PPME1: variants seen among roughly 807,000 people sequenced by gnomAD.
PPME1 encodes the protein protein phosphatase methylesterase 1.
Under a neutral mutation model 56.9 loss-of-function variants are expected in PPME1, and 17 were observed. The ratio of observed to expected loss-of-function variants is 0.30; its 90% confidence interval spans 0.20 to 0.45. The LOEUF (loss-of-function observed/expected upper bound fraction) is 0.45, where lower values mean the gene tolerates loss of function less well. Among genes scored for constraint, PPME1 ranks in the 20% least tolerant of loss-of-function variants. The pLI is 1.00. For missense variants in PPME1, 357 were observed against 483.2 expected, an observed-to-expected ratio of 0.74 and a Z score of 2.45; for synonymous variants, 122 against 156.2, an observed-to-expected ratio of 0.78 and a Z score of 1.63.
At chr11:74,239,290 G>C (rs779767451) in intron 9 of PPME1, 34 bp downstream of exon 9, 10 of 1,604,422 alleles carry the variant, frequency 6.2e-6, no homozygotes, top group Admixed American at 1.7e-5. Flanking sequence ...AAAAGATGCG[G>C]TATGGAATGG....
chr11:74,230,948 T>G lies in PPME1; in HGVS notation c.590T>G (p.Phe197Cys), dbSNP rs1411641943. 1 of 1,605,144 alleles carries G rather than the reference T, an allele frequency of 6.2e-7. No homozygotes were observed. ...GATGCACTTAATAGCATGCAGAATT[T>G]CTTACGGGGTCGTCCTAAAACCTTC... ...AMDALNSMQN[F>C]LRGRPKTFKS... Residue 197 changes from phenylalanine to cysteine, a missense_variant, in exon 7 of 14, where the codon TTC (phenylalanine) becomes TGC (cysteine). Phe to Cys is a radical substitution (Grantham distance 205, BLOSUM62 -2). Transcript: ENST00000328257. The surrounding 1 kb of genome is among the most constrained non-coding windows in gnomAD (Gnocchi z 4.9).
chr11:74,250,129 G>A (rs1186044151), intron 11 of PPME1: 1 of 152,112 alleles, frequency 6.6e-6, no homozygotes, highest in Non-Finnish European at 1.5e-5. Context: ...AGAACCACAG[G>A]ATGTAATGAC....
chr11:74,238,622 CAAT>C (rs1859259033), intron 8 of PPME1: 1 of 152,088 alleles, frequency 6.6e-6, no homozygotes, highest in Admixed American at 6.5e-5. Flanking sequence ...AGAAAAACAA[CAAT>C]GATAATTGGT....
chr11:74,214,002 A>G (rs1267487190), intron 3 of PPME1, among the ~76,000 whole-genome samples: 1 of 152,244 alleles, frequency 6.6e-6, no homozygotes. Flanking sequence ...ATAAGGCACC[A>G]GTGACCAATC....
chr11:74,178,163 C>G (rs748441305), intron 1 of PPME1, among the ~76,000 whole-genome samples: 2 of 152,194 alleles, frequency 1.3e-5, no homozygotes, highest in Non-Finnish European at 2.9e-5. Flanking sequence ...GCTTTTCCTT[C>G]TCTTGCTTGT....
At chr11:74,186,611 T>C (rs1348515373) in intron 1 of PPME1, among the ~76,000 whole-genome samples, 1 of 152,132 alleles carries the variant, frequency 6.6e-6, no homozygotes, top group Non-Finnish European at 1.5e-5. Flanking sequence ...CTCCATTGTC[T>C]CCTCAAATTT....
intron 1 of PPME1, among the ~76,000 whole-genome samples, chr11:74,178,895 C>T (rs1857462862): frequency 6.6e-6 from 1 of 151,628 alleles, no homozygotes; most frequent in Non-Finnish European, 1.5e-5. Context: ...AGACTGTTTC[C>T]TTCAAACTAC....
chr11:74,209,823 G>A (rs1305848177), intron 3 of PPME1, among the ~76,000 whole-genome samples: 2 of 152,140 alleles, frequency 1.3e-5, no homozygotes, highest in African/African-American at 4.8e-5. Flanking sequence ...GAAGCTATTT[G>A]ATTTATGAAG....
At chr11:74,221,736 T>C (rs1021345918) in intron 3 of PPME1, among the ~76,000 whole-genome samples, 6 of 152,190 alleles carry the variant, frequency 3.9e-5, no homozygotes, top group Non-Finnish European at 8.8e-5. Flanking sequence ...TCAGATTTTT[T>C]TCACCCTCTA....
At position 74,171,538 on chromosome 11, in the gene PPME1, C is replaced by G; in HGVS notation, c.101+16C>G. The G allele has an allele frequency of 1.2e-6, 2 of 1,603,316 alleles. No individual in the cohort carries two copies. The highest frequency in any genetic ancestry group is 1.7e-6 in the Non-Finnish European group (2 of 1,174,746). On this transcript the variant is annotated intron_variant, in intron 1 of 13. Transcript: ENST00000328257. Reference sequence around the variant, plus strand: ...TGCGAATGGGGTACGTGACCCATACCCCTTCTCCCTATGGGCCAGGCCCCA... The same window carrying G: ...TGCGAATGGGGTACGTGACCCATACGCCTTCTCCCTATGGGCCAGGCCCCA...
chr11:74,228,995 C>T (rs759546808), intron 5 of PPME1, among the ~76,000 whole-genome samples: 5 of 152,236 alleles, frequency 3.3e-5, no homozygotes, highest in Middle Eastern at 6.8e-3. Flanking sequence ...AAATTTAAGT[C>T]GAACGAATAT....
intron 12 of PPME1, chr11:74,251,410 A>T: frequency 7.2e-7 from 1 of 1,381,512 alleles, no homozygotes; most frequent in Non-Finnish European, 9.3e-7. Context: ...CTGAGGGCAC[A>T]CATAAGCCCT....
At chr11:74,252,007 G>A in intron 13 of PPME1, 3 of 609,058 alleles carry the variant, frequency 4.9e-6, no homozygotes, top group South Asian at 4.3e-5. Context: ...GAGGAGGCTG[G>A]GATAGGAATC....
At chr11:74,235,170 G>C (rs1258880673) in intron 7 of PPME1, among the ~76,000 whole-genome samples, 1 of 152,154 alleles carries the variant, frequency 6.6e-6, no homozygotes, top group East Asian at 1.9e-4. Context: ...CTTTCTCCTA[G>C]TGGCTTGCTT....
chr11:74,181,055 T>G (rs1857520973), intron 1 of PPME1, among the ~76,000 whole-genome samples: 1 of 145,954 alleles, frequency 6.9e-6, no homozygotes, highest in Non-Finnish European at 1.5e-5. Context: ...TTTTTTTTTT[T>G]GAGACGGAGT....
At chr11:74,221,598 C>T (rs528661539) in intron 3 of PPME1, among the ~76,000 whole-genome samples, 6 of 152,190 alleles carry the variant, frequency 3.9e-5, no homozygotes, top group Middle Eastern at 3.4e-3. Context: ...TAAAATGTGA[C>T]GGCTAGACTA....
chr11:74,192,850 C>G (rs1381117497), intron 1 of PPME1, among the ~76,000 whole-genome samples: 6 of 152,188 alleles, frequency 3.9e-5, no homozygotes, highest in Non-Finnish European at 8.8e-5. Flanking sequence ...GATGCTGGTA[C>G]CATGCAGAAC....
chr11:74,234,571 C>G (rs990400064), intron 7 of PPME1, among the ~76,000 whole-genome samples: 1 of 152,040 alleles, frequency 6.6e-6, no homozygotes, highest in Non-Finnish European at 1.5e-5. Flanking sequence ...GCAGAGAGAT[C>G]AAGTAAGATG....
intron 1 of PPME1, 72 bp downstream of exon 1, chr11:74,171,594 A>G: frequency 9.3e-6 from 14 of 1,497,578 alleles, no homozygotes; most frequent in African/African-American, 1.4e-5. Flanking sequence ...CTGGGCGTTC[A>G]TAGAGGCACG....
Sources: allele counts gnomAD v4.1 joint callset (sites outside exome capture counted in the v4.1 genomes callset), GRCh38; gene constraint gnomAD v4.1.1; non-coding constraint Gnocchi (gnomAD v3.1); transcripts MANE v1.5; gene names NCBI Gene and HGNC (gene_info 2026-07-23, HGNC 2026-07-21).